ASIC2: variants seen among roughly 807,000 people sequenced by gnomAD.
ASIC2 encodes the protein acid-sensing ion channel 2.
ASIC2 carries 25 observed loss-of-function variants against 57.3 expected under a neutral mutation model. The ratio of observed to expected loss-of-function variants is 0.44; its 90% CI spans 0.32 to 0.61. The LOEUF is 0.61. Ranked by LOEUF, ASIC2 falls within the 20% of genes least tolerant of loss-of-function variation. The pLI, the probability that ASIC2 is intolerant of heterozygous loss-of-function variation, is 0.06. For synonymous variants in ASIC2, 319 were observed against 307.5 expected (o/e 1.04, Z -0.39); for missense variants, 641 against 738.1 (o/e 0.87, Z 1.52).
intron 1 of ASIC2, among the ~76,000 whole-genome samples, chr17:33,473,606 C>T (rs567626842): frequency 1.5e-4 from 23 of 152,240 alleles, no homozygotes; most frequent in South Asian, 4.2e-4. Context: ...GGAATGAACA[C>T]GAGAACATTG....
chr17:33,687,755 T>C (rs1054971594), intron 1 of ASIC2, among the ~76,000 whole-genome samples: 3 of 152,222 alleles, frequency 2.0e-5, no homozygotes, highest in Non-Finnish European at 4.4e-5. Flanking sequence ...GGTCCTGTGC[T>C]GAGGGATGGT....
chr17:33,710,321 C>T (rs919475892), intron 1 of ASIC2, among the ~76,000 whole-genome samples: 12 of 152,288 alleles, frequency 7.9e-5, no homozygotes, highest in African/African-American at 2.4e-4. Flanking sequence ...ATCTATTATG[C>T]GTCAAGCAGT....
At chr17:33,641,686 G>A (rs932986522) in intron 1 of ASIC2, among the ~76,000 whole-genome samples, 5 of 152,174 alleles carry the variant, frequency 3.3e-5, no homozygotes, top group Non-Finnish European at 7.3e-5. Context: ...TAGGAAGACC[G>A]AGGATACCCC....
At chr17:33,993,478 C>A (rs1488565555) in intron 1 of ASIC2, among the ~76,000 whole-genome samples, 3 of 152,296 alleles carry the variant, frequency 2.0e-5, no homozygotes, top group South Asian at 2.1e-4. Context: ...TTTAAAGGAC[C>A]AGCACAAATA....
chr17:33,401,676 A>C (rs1294233369), intron 1 of ASIC2, among the ~76,000 whole-genome samples: 2 of 152,200 alleles, frequency 1.3e-5, no homozygotes, highest in African/African-American at 4.8e-5. Context: ...TAGGATTTTA[A>C]ATCCTAAGCA....
intron 3 of ASIC2, among the ~76,000 whole-genome samples, chr17:33,046,129 C>G (rs2091953516): frequency 6.6e-6 from 1 of 152,184 alleles, no homozygotes; most frequent in African/African-American, 2.4e-5. Context: ...TCCCATCATT[C>G]TACTCTTCCC....
chr17:33,937,137 T>C (rs549930016), intron 1 of ASIC2, among the ~76,000 whole-genome samples: 39 of 152,338 alleles, frequency 2.6e-4, no homozygotes, highest in African/African-American at 9.1e-4. Flanking sequence ...AGTCTCACTC[T>C]GTCACCCAGG....
intron 1 of ASIC2, among the ~76,000 whole-genome samples, chr17:33,694,493 G>A (rs1567690949): frequency 1.3e-5 from 2 of 152,108 alleles, no homozygotes; most frequent in Non-Finnish European, 2.9e-5. Context: ...TATTCATGTT[G>A]TTTCCACTAC....
intron 3 of ASIC2, among the ~76,000 whole-genome samples, chr17:33,044,306 C>A (rs2091942720): frequency 6.6e-6 from 1 of 151,834 alleles, no homozygotes; most frequent in African/African-American, 2.4e-5. Flanking sequence ...ATCCATCCAA[C>A]CATCCATCCA....
intron 1 of ASIC2, chr17:34,039,919 G>A: frequency 6.5e-7 from 1 of 1,527,134 alleles, no homozygotes; most frequent in Non-Finnish European, 9.0e-7. Context: ...CTCCCTGGAG[G>A]GACCCCGACC....
chr17:33,200,004 C>A (rs1906793954), intron 1 of ASIC2, among the ~76,000 whole-genome samples: 1 of 152,132 alleles, frequency 6.6e-6, no homozygotes. Context: ...CAGTCCCATG[C>A]TCTGTCCCAG....
chr17:34,132,314 G>A (rs773829875), intron 1 of ASIC2, among the ~76,000 whole-genome samples: 1 of 152,174 alleles, frequency 6.6e-6, no homozygotes, highest in Non-Finnish European at 1.5e-5. Context: ...AGAGTGAGCA[G>A]CAGCAAGATT....
intron 2 of ASIC2, among the ~76,000 whole-genome samples, chr17:33,104,098 G>A (rs1054138624): frequency 2.6e-5 from 4 of 152,174 alleles, no homozygotes; most frequent in African/African-American, 9.6e-5. Flanking sequence ...CAAGTCGATT[G>A]CCACTCGTCC....
At chr17:33,718,004 C>G (rs1002338934) in intron 1 of ASIC2, among the ~76,000 whole-genome samples, 2 of 152,094 alleles carry the variant, frequency 1.3e-5, no homozygotes, top group African/African-American at 4.8e-5. Flanking sequence ...GAAGCTGTTT[C>G]TACCATTTCA....
intron 1 of ASIC2, among the ~76,000 whole-genome samples, chr17:33,954,571 A>G (rs1448460303): frequency 6.6e-6 from 1 of 152,184 alleles, no homozygotes; most frequent in Non-Finnish European, 1.5e-5. Context: ...ACACCCACAC[A>G]GTGCCACTGG....
intron 1 of ASIC2, among the ~76,000 whole-genome samples, chr17:33,199,832 A>T (rs35730856): frequency 5.3e-5 from 8 of 152,012 alleles, no homozygotes; most frequent in African/African-American, 1.7e-4. Flanking sequence ...AATATAGCGA[A>T]CTTGATCATG....
chr17:33,090,437 T>C (rs1391968927), intron 2 of ASIC2, among the ~76,000 whole-genome samples: 2 of 152,202 alleles, frequency 1.3e-5, no homozygotes, highest in African/African-American at 4.8e-5. Flanking sequence ...AGGAGATGCC[T>C]AATGAATGAA....
At chr17:33,847,192 AAGTTTCTAGT>A (rs1913632824) in intron 1 of ASIC2, among the ~76,000 whole-genome samples, 1 of 151,524 alleles carries the variant, frequency 6.6e-6, no homozygotes, top group Non-Finnish European at 1.5e-5. Flanking sequence ...TTACAGGAGA[AAGTTTCTAGT>A]AGCTTCAGGC....
chr17:33,602,569 TC>T (rs1905137505), intron 1 of ASIC2, among the ~76,000 whole-genome samples: 2 of 152,192 alleles, frequency 1.3e-5, no homozygotes, highest in African/African-American at 4.8e-5. Flanking sequence ...AATTACCCAG[TC>T]TGTGGTACTG....
Sources: gnomAD v4.1 joint callset for allele counts (sites outside exome capture counted in the v4.1 genomes callset) on GRCh38, gnomAD v4.1.1 for gene constraint, MANE v1.5 for transcripts, NCBI Gene and HGNC (gene_info 2026-07-23, HGNC 2026-07-21) for gene names.